Variants in DCAF6 observed in about 807,000 individuals in gnomAD.
The protein encoded by DCAF6 is DDB1- and CUL4-associated factor 6.
Under a neutral mutation model 125.1 loss-of-function variants are expected in DCAF6, and 54 were observed. The observed-to-expected ratio is 0.43, with a 90% CI of 0.35 to 0.54. The LOEUF (loss-of-function observed/expected upper bound fraction) is 0.54. Ranked by LOEUF, DCAF6 falls within the 20% of genes least tolerant of loss-of-function variation. DCAF6 has a pLI of 0.01. For missense variants in DCAF6, 934 were observed against 1,161.7 expected (o/e 0.80, Z 2.85); for synonymous variants, 371 against 390.4 (o/e 0.95, Z 0.58).
At chr1:168,040,274 G>A (rs1688357410) in intron 13 of DCAF6, among the ~76,000 whole-genome samples, 2 of 152,040 alleles carry the variant, frequency 1.3e-5, no homozygotes, top group Admixed American at 6.6e-5. Context: ...GAAGACCAGT[G>A]TAGCGGGAGT....
chr1:167,958,919 T>A (rs938942193), intron 2 of DCAF6, among the ~76,000 whole-genome samples: 2 of 152,198 alleles, frequency 1.3e-5, no homozygotes, highest in African/African-American at 4.8e-5. Context: ...ACAATAGGGC[T>A]CACTCTTGGT....
chr1:167,885,214 AG>A, the DCAF6 span, among the ~76,000 whole-genome samples: 1 of 152,210 alleles, frequency 6.6e-6, no homozygotes, highest in Admixed American at 6.5e-5. Flanking sequence ...GCTGCTTCCA[AG>A]TCTTGACTAC....
At chr1:168,024,837 G>A (rs1686135589) in intron 12 of DCAF6, among the ~76,000 whole-genome samples, 1 of 151,600 alleles carries the variant, frequency 6.6e-6, no homozygotes, top group Admixed American at 6.6e-5. Flanking sequence ...ATTCCTTATG[G>A]ACCTGAGGTG....
intron 21 of DCAF6, among the ~76,000 whole-genome samples, chr1:168,073,205 A>C (rs1401345555): frequency 6.6e-6 from 1 of 152,164 alleles, no homozygotes; most frequent in Admixed American, 6.6e-5. Flanking sequence ...GAAAAACAGT[A>C]TACATAGAAG....
rs140691986 is a variant in DCAF6 at position 168,047,718 on chromosome 1, A to G, written c.2258+2491A>G. On this transcript the variant is annotated intron_variant, in intron 16 of 21. Transcript: ENST00000367840. Reference sequence around the variant, plus strand: ...TATATATATATGTGTGTGTGTGTATATATATATAAAAGATGTGTATACTGA... The same window carrying G: ...TATATATATATGTGTGTGTGTGTATGTATATATAAAAGATGTGTATACTGA... Among the ~76,000 whole-genome samples, 774 of 152,146 alleles carry G rather than the reference A, an allele frequency of 5.1e-3. 6 individuals are homozygous for G. Among genetic ancestry groups the G allele is most frequent in the African/African-American group, 0.016 (658 of 41,556 alleles).
At chr1:167,967,714 C>CTTTTTTT (rs552208317) in intron 3 of DCAF6, among the ~76,000 whole-genome samples, 4 of 74,578 alleles carry the variant, frequency 5.4e-5, no homozygotes, top group East Asian at 4.3e-4. Flanking sequence ...TTTCCTGTAT[C>CTTTTTTT]TTTTTTTTTT....
At chr1:168,030,571 ATAAAAG>A (rs1686947550) in intron 12 of DCAF6, among the ~76,000 whole-genome samples, 1 of 152,222 alleles carries the variant, frequency 6.6e-6, no homozygotes, top group Admixed American at 6.5e-5. Flanking sequence ...TGATCTGGTG[ATAAAAG>A]TAAGGTAGGA....
the DCAF6 span, chr1:167,918,217 T>C: frequency 1.2e-6 from 1 of 837,962 alleles, no homozygotes; most frequent in African/African-American, 1.7e-5. Flanking sequence ...CCAGTTACAG[T>C]GCCTTCTAAA....
chr1:168,044,476 C>T lies in DCAF6; in HGVS notation c.1844-109C>T, dbSNP rs76439828. ...GCATAGGTTATATGCAAATATTATG[C>T]CATTATATATGAGGGACTTGAGGAG... On this transcript the variant is annotated intron_variant, in intron 14 of 21. Coordinates refer to ENST00000367840, the MANE Select transcript of DCAF6 (RefSeq NM_001198956.2). 21 of 724,892 alleles carry T rather than the reference C, an allele frequency of 2.9e-5. 1 individual carries two copies. In the South Asian group the frequency reaches 3.1e-4, roughly 11 times the overall value. The allele number at this position is 724,892 out of a possible 1,614,324, so 44.9% of individuals were successfully genotyped here.
chr1:167,865,130 A>G, the DCAF6 span, among the ~76,000 whole-genome samples: 5,661 of 152,288 alleles, frequency 0.037, 116 homozygotes, highest in African/African-American at 0.046. Context: ...CCTGAGTACT[A>G]TTGAAGAAAC....
chr1:167,947,579 T>C (rs758821135), intron 1 of DCAF6, among the ~76,000 whole-genome samples: 1 of 152,216 alleles, frequency 6.6e-6, no homozygotes, highest in Non-Finnish European at 1.5e-5. Flanking sequence ...TTTCATTTGT[T>C]TCAAAAACAT....
the DCAF6 span, among the ~76,000 whole-genome samples, chr1:167,871,904 AG>A: frequency 2.0e-5 from 3 of 152,260 alleles, no homozygotes; most frequent in Non-Finnish European, 4.4e-5. Context: ...AAGCTCACAT[AG>A]GAACTTAGAA....
intron 13 of DCAF6, among the ~76,000 whole-genome samples, chr1:168,039,653 AATT>A (rs1688249564): frequency 1.4e-5 from 2 of 147,342 alleles, no homozygotes; most frequent in African/African-American, 2.5e-5. Context: ...ACAATATATT[AATT>A]ATTCATAATT....
chr1:168,059,856 C>T (rs1691366410), intron 17 of DCAF6, among the ~76,000 whole-genome samples: 1 of 152,052 alleles, frequency 6.6e-6, no homozygotes, highest in African/African-American at 2.4e-5. Context: ...CTATGTTGCC[C>T]AGCCTGGTTT....
rs1428732497 is a variant in DCAF6 at position 168,050,393 on chromosome 1, G to A, written c.2259-499G>A. Among the ~76,000 whole-genome samples, 5 of 152,216 alleles carry A rather than the reference G, an allele frequency of 3.3e-5. No individual in the cohort carries two copies. In the East Asian group the frequency reaches 9.7e-4, roughly 29 times the overall value. ...AGTTTACTCTTTATTAAAGAAAATTGCAGAGAGAAAAGATGTACTCAAAGA... is the reference window on the plus strand; with the variant it reads ...AGTTTACTCTTTATTAAAGAAAATTACAGAGAGAAAAGATGTACTCAAAGA... On this transcript the variant is annotated intron_variant, in intron 16 of 21. Coordinates refer to ENST00000367840, the MANE Select transcript of DCAF6 (RefSeq NM_001198956.2).
chr1:168,038,057 A>G (rs1006601962), intron 12 of DCAF6, among the ~76,000 whole-genome samples: 2 of 152,210 alleles, frequency 1.3e-5, no homozygotes, highest in Non-Finnish European at 2.9e-5. Flanking sequence ...TAAGGGTACC[A>G]GTTTGTAACT....
chr1:167,983,402 A>G (rs1278534292), intron 4 of DCAF6, among the ~76,000 whole-genome samples: 1 of 152,196 alleles, frequency 6.6e-6, no homozygotes, highest in African/African-American at 2.4e-5. Flanking sequence ...TTTCAGGTGT[A>G]GGCACTGGAG....
chr1:168,073,701 C>T (rs1038274980), intron 21 of DCAF6, among the ~76,000 whole-genome samples: 1 of 152,032 alleles, frequency 6.6e-6, no homozygotes, highest in Non-Finnish European at 1.5e-5. Flanking sequence ...TCATCATGCT[C>T]TAACATGACA....
the DCAF6 span, among the ~76,000 whole-genome samples, chr1:167,879,078 C>T: frequency 3.0e-4 from 45 of 152,296 alleles, no homozygotes; most frequent in Non-Finnish European, 5.9e-4. Flanking sequence ...GGCGATTTCT[C>T]GATTTAGTAA....
Sources: allele counts gnomAD v4.1 joint callset (sites outside exome capture counted in the v4.1 genomes callset), GRCh38; gene constraint gnomAD v4.1.1; transcripts MANE v1.5; gene names NCBI Gene and HGNC (gene_info 2026-07-23, HGNC 2026-07-21).